MPDZ: variants seen among roughly 807,000 people sequenced by gnomAD.
The protein encoded by MPDZ is multiple PDZ domain protein.
In MPDZ, 234 loss-of-function variants were observed where a neutral mutation model predicts 239.1. That is an observed-to-expected ratio of 0.98 (90% CI 0.88 to 1.09). The LOEUF (loss-of-function observed/expected upper bound fraction) is 1.09. MPDZ is among the 50% of genes least tolerant of loss of function. The probability of loss-of-function intolerance (pLI) is 0.00; values close to 1 mark genes in which losing one functional copy is unlikely to be tolerated. For missense variants in MPDZ, 3,175 were observed against 2,510.0 expected (o/e 1.26, Z -5.66); for synonymous variants, 1,048 against 881.3 (o/e 1.19, Z -3.35).
At chr9:13,207,633 C>T (rs1320527750) in intron 10 of MPDZ, among the ~76,000 whole-genome samples, 1 of 152,160 alleles carries the variant, frequency 6.6e-6, no homozygotes, top group East Asian at 1.9e-4. Context: ...CTTTGACTGC[C>T]GTCAAAGCCC....
intron 10 of MPDZ, among the ~76,000 whole-genome samples, chr9:13,206,509 T>C (rs1201277589): frequency 6.6e-6 from 1 of 151,862 alleles, no homozygotes; most frequent in Non-Finnish European, 1.5e-5. Context: ...TCATCGTATC[T>C]TCCCAAGTAG....
chr9:13,190,978 T>C (rs1427588469), intron 15 of MPDZ, among the ~76,000 whole-genome samples: 5 of 152,062 alleles, frequency 3.3e-5, no homozygotes, highest in Non-Finnish European at 7.4e-5. Flanking sequence ...AAATACTAGG[T>C]TAATATAGGT....
rs1563855037 is a variant in MPDZ, at chr9:13,126,767, C to G, written c.4470G>C (p.Gln1490His). ...CGCTGATAGCAATACCCAAACCCCC[C>G]TGATCCTAGAAAAGTAAAAACAAAA... is the stretch of plus-strand genomic sequence containing the variant. ...NVQHLELPKD[Q>H]GGLGIAISEE... is the part of the protein sequence containing the mutation. The change falls in exon 33 of 47, where the codon CAG becomes CAC. Residue 1490 changes from glutamine (Q) to histidine (H), a missense_variant. By Grantham distance (24) the Gln-to-His change is conservative. Coordinates refer to ENST00000319217, the MANE Select transcript of MPDZ (RefSeq NM_001378778.1). The G allele has an allele frequency of 6.2e-7, 1 of 1,613,656 alleles. No individual in the cohort carries two copies. Among genetic ancestry groups the G allele is most frequent in the South Asian group, 1.1e-5 (1 of 91,072 alleles).
intron 12 of MPDZ, among the ~76,000 whole-genome samples, 161 bp downstream of exon 12, chr9:13,204,875 C>A (rs926075550): frequency 5.9e-5 from 9 of 152,050 alleles, no homozygotes; most frequent in African/African-American, 1.9e-4. Flanking sequence ...ATCCATAAGA[C>A]CACTTAGTCA....
intron 1 of MPDZ, among the ~76,000 whole-genome samples, chr9:13,265,328 G>C (rs1346892753): frequency 6.6e-6 from 1 of 152,170 alleles, no homozygotes; most frequent in Non-Finnish European, 1.5e-5. Context: ...CCAGCACTTT[G>C]GGACGCTGAG....
At chr9:13,142,277 G>A (rs1326193250) in intron 27 of MPDZ, among the ~76,000 whole-genome samples, 1 of 151,928 alleles carries the variant, frequency 6.6e-6, no homozygotes, top group East Asian at 1.9e-4. Context: ...AATTGTCTGG[G>A]ATCTCAGGCA....
At position 13,115,422 on chromosome 9, in the gene MPDZ, T is replaced by TG. The variant is rs1943248588; in HGVS notation, c.5380-89_5380-88insC. 7 of 1,131,856 alleles carry TG rather than the reference T, an allele frequency of 6.2e-6. No individual in the cohort carries two copies. In the South Asian group the frequency reaches 9.3e-5, roughly 15 times the overall value. The allele number at this position is 1,131,856 out of a possible 1,614,324, so 70.1% of individuals were successfully genotyped here. ...AGGAATACATTTTACTCTTCAAGAC[T>TG]TTTTTGAAAGGCATCTTCCTTTTGG... On this transcript the variant is annotated intron_variant, in intron 39 of 46. Transcript: ENST00000319217.
At chr9:13,184,948 T>C (rs1012979858) in intron 18 of MPDZ, among the ~76,000 whole-genome samples, 8 of 152,018 alleles carry the variant, frequency 5.3e-5, no homozygotes, top group African/African-American at 1.9e-4. Flanking sequence ...TCCTTTTGAT[T>C]GGTATCCATT....
At chr9:13,269,759 T>A (rs1408201454) in intron 1 of MPDZ, among the ~76,000 whole-genome samples, 3 of 152,166 alleles carry the variant, frequency 2.0e-5, no homozygotes, top group Non-Finnish European at 4.4e-5. Context: ...AGCTTGTCAG[T>A]CATTGGTAGT....
At chr9:13,211,142 G>T (rs948768572) in intron 10 of MPDZ, among the ~76,000 whole-genome samples, 21 of 152,018 alleles carry the variant, frequency 1.4e-4, no homozygotes, top group African/African-American at 5.1e-4. Context: ...TTTAGTATGG[G>T]AAAAATTTTA....
chr9:13,179,391 G>C lies in MPDZ; in HGVS notation c.2650-2974C>G, dbSNP rs10960963. 2.9e-3 allele frequency among the ~76,000 whole-genome samples: 446 copies of C among 152,236 alleles called. 12 individuals carry two copies. The East Asian group carries it at 0.052, about 18-fold the overall frequency. ...TCAAAATTGCTTTTCATTAGCAAAA[G>C]AGGTCAAGTCGCCCTTGTTAGCTGG... On this transcript the variant is annotated intron_variant, in intron 19 of 46. Transcript: ENST00000319217.
At chr9:13,242,385 T>A (rs1299392974) in intron 3 of MPDZ, among the ~76,000 whole-genome samples, 1 of 151,598 alleles carries the variant, frequency 6.6e-6, no homozygotes, top group African/African-American at 2.4e-5. Flanking sequence ...ATGAACACGC[T>A]CGGCTAATTT....
intron 3 of MPDZ, among the ~76,000 whole-genome samples, chr9:13,241,952 C>A (rs560521573): frequency 1.3e-5 from 2 of 152,212 alleles, no homozygotes; most frequent in South Asian, 4.2e-4. Flanking sequence ...CATTGACTAC[C>A]TGACTACCTA....
At chr9:13,167,973 T>C (rs1186851052) in intron 22 of MPDZ, among the ~76,000 whole-genome samples, 6 of 152,042 alleles carry the variant, frequency 3.9e-5, no homozygotes, top group Admixed American at 3.3e-4. Context: ...TAAAGAACTG[T>C]CTTAGTTCTA....
chr9:13,118,424 A>T (rs746555682), intron 39 of MPDZ, among the ~76,000 whole-genome samples: 1 of 152,216 alleles, frequency 6.6e-6, no homozygotes, highest in Non-Finnish European at 1.5e-5. Context: ...GTGAGTAACA[A>T]GCACCTACTT....
intron 39 of MPDZ, among the ~76,000 whole-genome samples, chr9:13,116,681 T>G (rs1943507084): frequency 6.6e-6 from 1 of 152,178 alleles, no homozygotes; most frequent in African/African-American, 2.4e-5. Context: ...TTCACCTACC[T>G]GTAACACTTC....
chr9:13,269,249 G>C (rs372108983), intron 1 of MPDZ, among the ~76,000 whole-genome samples: 8 of 152,244 alleles, frequency 5.3e-5, no homozygotes, highest in Middle Eastern at 3.4e-3. Flanking sequence ...ACAGCAGAAA[G>C]ATAAATATAT....
chr9:13,197,834 G>C (rs1468699665), intron 12 of MPDZ, among the ~76,000 whole-genome samples: 1 of 151,872 alleles, frequency 6.6e-6, no homozygotes, highest in African/African-American at 2.4e-5. Context: ...ACTTATAAGT[G>C]AGATCATGCG....
chr9:13,136,112 C>G lies in MPDZ; in HGVS notation c.4363G>C (p.Glu1455Gln), dbSNP rs778981657. 1.6e-5 allele frequency: 26 copies of G among 1,610,876 alleles called. No individual in the cohort carries two copies. The highest frequency in any genetic ancestry group is 5.0e-5 in the Admixed American group (3 of 59,864). Residue 1455 changes from glutamate to glutamine, a missense_variant, in exon 31 of 47, where the codon GAA becomes CAA. Glu to Gln is a conservative substitution (Grantham distance 29). Transcript: ENST00000319217. ...TATACCTCCTTATTTTGAAGATTTT[C>G]TGAGTTAGAAGGCAAAGGTTCTACT... ...NAVEPLPSNS[E>Q]NLQNKETEPT... is the part of the protein sequence containing the mutation.
Sources: allele counts gnomAD v4.1 joint callset (sites outside exome capture counted in the v4.1 genomes callset), GRCh38; gene constraint gnomAD v4.1.1; transcripts MANE v1.5; gene names NCBI Gene and HGNC (gene_info 2026-07-23, HGNC 2026-07-21).